Variants in PTCH1 observed in about 807,000 individuals in gnomAD.
The protein encoded by PTCH1 is protein patched homolog 1.
PTCH1 carries 14 observed loss-of-function variants against 144.6 expected under a neutral mutation model. That is an observed-to-expected ratio of 0.10 (90% CI 0.06 to 0.15). The LOEUF is 0.15. PTCH1 is among the 10% of genes least tolerant of loss of function. PTCH1 has a pLI of 1.00. For synonymous variants in PTCH1, 833 were observed against 793.6 expected, an observed-to-expected ratio of 1.05 and a Z score of -0.83; for missense variants, 1,623 against 1,948.3, an observed-to-expected ratio of 0.83 and a Z score of 3.14.
At chr9:95,501,759 G>A (rs1843161299) in intron 2 of PTCH1, among the ~76,000 whole-genome samples, 1 of 152,170 alleles carries the variant, frequency 6.6e-6, no homozygotes, top group African/African-American at 2.4e-5. Flanking sequence ...CAAGAAACTT[G>A]TTCTGAGGGA....
At chr9:95,450,334 C>A in intron 20 of PTCH1, 1 of 319,078 alleles carries the variant, frequency 3.1e-6, no homozygotes, top group Non-Finnish European at 6.0e-6. Context: ...CTCGTGAAAA[C>A]CCAGCAGAAG....
chr9:95,507,842 G>A (rs1843829229), intron 1 of PTCH1: 2 of 1,024,268 alleles, frequency 2.0e-6, no homozygotes, highest in South Asian at 1.7e-5. Context: ...CCGCCCTTGA[G>A]GTGGTCCGCC....
intron 1 of PTCH1, among the ~76,000 whole-genome samples, chr9:95,516,050 C>G (rs28496034): frequency 0.37 from 55,778 of 151,830 alleles, 10,925 homozygotes; most frequent in African/African-American, 0.49. Context: ...GCTCTGCCTC[C>G]GCTGGCGAGT....
In PTCH1 at chr9:95,476,133, G is replaced by A. The variant is rs557468315; in HGVS notation, c.1629C>T (p.Arg543=). 17 of 1,613,262 alleles carry A rather than the reference G, an allele frequency of 1.1e-5. No homozygotes were observed. In the African/African-American group the frequency reaches 1.9e-4, roughly 18 times the overall value. The part of the protein sequence containing the change: ...FEDRTGECLK[R]TGASVALTSI... ...ACGTGAGGGCCACGCTGGCTCCTGT[G>A]CGCTTCAGGCACTCCCCGGTCCTGT... is the stretch of plus-strand genomic sequence containing the variant. Residue 543 remains arginine, a synonymous_variant, in exon 12 of 24, where the codon CGC becomes CGT. Coordinates refer to ENST00000331920, the MANE Select transcript of PTCH1 (RefSeq NM_000264.5). The surrounding 1 kb of genome is among the most constrained non-coding windows in gnomAD (Gnocchi z 4.6).
chr9:95,500,495 G>GTTCCGTTT (rs1338040909), intron 2 of PTCH1, among the ~76,000 whole-genome samples: 12 of 152,218 alleles, frequency 7.9e-5, no homozygotes, highest in Admixed American at 2.6e-4. Flanking sequence ...GGTCCAGGGA[G>GTTCCGTTT]CAGAAAGGAG....
rs904785493 is a variant in PTCH1 at position 95,508,713 on chromosome 9, C to T, written c.-352G>A. ...AGCGAGCCTGTCCTTCGGGCGCTTC[C>T]GCGGCACTCCTTGCGGTCCCCAACT... On this transcript the variant is annotated 5_prime_UTR_variant, in exon 1 of 24. Coordinates refer to ENST00000331920, the MANE Select transcript of PTCH1 (RefSeq NM_000264.5). 1.0e-6 allele frequency: 1 copy of T among 986,666 alleles called. No homozygotes were observed. 61.1% of individuals were successfully genotyped at this position (986,666 alleles called of 1,614,324 possible). A position where few individuals can be genotyped will look rare whatever the true frequency, so the allele number is the denominator to read the frequency against.
rs1226062584 is a variant in PTCH1 at position 95,469,878 on chromosome 9, T to C, written c.1782A>G (p.Ala594=). ...NFAMVLLIFP[A]ILSMDLYRRE... Reference sequence around the variant, plus strand: ...GTCGATATAAATCCATGCTGAGAATTGCAGGAAAAATGAGCAGAACCATGG... The same window carrying C: ...GTCGATATAAATCCATGCTGAGAATCGCAGGAAAAATGAGCAGAACCATGG... Residue 594 remains alanine (A), a synonymous_variant, in exon 13 of 24, where the codon GCA becomes GCG. Transcript: ENST00000331920. 3 of 1,614,098 alleles carry C rather than the reference T, an allele frequency of 1.9e-6. No homozygotes were observed. The highest frequency in any genetic ancestry group is 4.5e-5 in the East Asian group (2 of 44,864).
intron 15 of PTCH1, among the ~76,000 whole-genome samples, chr9:95,462,463 G>A (rs1839575821): frequency 6.6e-6 from 1 of 152,108 alleles, no homozygotes; most frequent in Non-Finnish European, 1.5e-5. Flanking sequence ...AGCTGCTTCT[G>A]GAGCCCAGGG....
chr9:95,482,069 C>T (rs369072583), intron 4 of PTCH1, 29 bp from the exon 5 acceptor site: 20 of 1,610,738 alleles, frequency 1.2e-5, no homozygotes, highest in African/African-American at 1.1e-4. Flanking sequence ...AGAGGCCATG[C>T]GTTAGGTTAA....
chr9:95,485,977 C>T, intron 2 of PTCH1, 103 bp from the exon 3 acceptor site: 3 of 1,294,122 alleles, frequency 2.3e-6, no homozygotes, highest in Non-Finnish European at 2.2e-6. Flanking sequence ...TAGATGAACT[C>T]TAGTCATGAG....
At position 95,458,402 on chromosome 9, in the gene PTCH1, C is replaced by T. The variant is rs752449163; in HGVS notation, c.2888-109G>A. On this transcript the variant is annotated intron_variant, in intron 17 of 23. Coordinates refer to ENST00000331920, the MANE Select transcript of PTCH1 (RefSeq NM_000264.5). The surrounding 1 kb of genome is among the most constrained non-coding windows in gnomAD (Gnocchi z 4.7). ...TGAAAGCTTACTGACTGCTCTTCTA[C>T]ATGATACAAAGAACAAACAATGCTG... is the stretch of plus-strand genomic sequence containing the variant. 2.2e-6 allele frequency: 3 copies of T among 1,368,630 alleles called. No homozygotes were observed. The highest frequency in any genetic ancestry group is 3.0e-6 in the Non-Finnish European group (3 of 984,134). The allele number at this position is 1,368,630 out of a possible 1,614,324, so 84.8% of individuals were successfully genotyped here.
chr9:95,444,209 C>T lies in PTCH1; in HGVS notation c.*2184G>A. On this transcript the variant is annotated 3_prime_UTR_variant, in exon 24 of 24. Transcript: ENST00000331920. ...ATTCTAATTCCCTGCCAGCCCCACCCCCCGCCCACCCCAGTTCTCCCTTTG... is the reference window on the plus strand; with the variant it reads ...ATTCTAATTCCCTGCCAGCCCCACCTCCCGCCCACCCCAGTTCTCCCTTTG... 7.4e-6 allele frequency: 1 copy of T among 134,446 alleles called. No homozygotes were observed. Among genetic ancestry groups the T allele is most frequent in the Non-Finnish European group, 1.6e-5 (1 of 62,808 alleles). 8.3% of individuals were successfully genotyped at this position (134,446 alleles called of 1,614,324 possible).
intron 8 of PTCH1, among the ~76,000 whole-genome samples, chr9:95,478,721 T>TG (rs1841290501): frequency 6.6e-6 from 1 of 152,186 alleles, no homozygotes; most frequent in African/African-American, 2.4e-5. Context: ...ACACCTTTGC[T>TG]AACCAAGTGT....
intron 13 of PTCH1, 131 bp from the exon 14 acceptor site, chr9:95,469,284 T>C: frequency 8.1e-7 from 1 of 1,240,706 alleles, no homozygotes; most frequent in Non-Finnish European, 1.1e-6. Context: ...AACATCACAT[T>C]GCTGAATTCC....
intron 2 of PTCH1, among the ~76,000 whole-genome samples, chr9:95,490,032 G>C (rs1398713999): frequency 6.6e-6 from 1 of 151,304 alleles, no homozygotes; most frequent in African/African-American, 2.4e-5. Context: ...TCGATCTCCT[G>C]ACCTTGTGAT....
At chr9:95,495,911 A>C (rs1842756020) in intron 2 of PTCH1, among the ~76,000 whole-genome samples, 1 of 152,120 alleles carries the variant, frequency 6.6e-6, no homozygotes, top group Admixed American at 6.5e-5. Flanking sequence ...CACGATTTCT[A>C]CAGAAAGTAA....
chr9:95,501,554 G>C (rs77496426), intron 2 of PTCH1, among the ~76,000 whole-genome samples: 1 of 138,170 alleles, frequency 7.2e-6, no homozygotes, highest in African/African-American at 2.7e-5. Context: ...AAAAAAAAAA[G>C]TCAAAGTCAC....
chr9:95,514,512 TC>T (rs1844279488), intron 1 of PTCH1: 1 of 152,190 alleles, frequency 6.6e-6, no homozygotes, highest in African/African-American at 2.4e-5. Flanking sequence ...GTAAAACAAT[TC>T]CAGCTTATTG....
At chr9:95,462,832 C>A (rs73542174) in intron 15 of PTCH1, among the ~76,000 whole-genome samples, 1 of 152,364 alleles carries the variant, frequency 6.6e-6, no homozygotes, top group African/African-American at 2.4e-5. Context: ...ACACCACACA[C>A]AGCTGCGCTT....
Sources: gnomAD v4.1 joint callset for allele counts (sites outside exome capture counted in the v4.1 genomes callset) on GRCh38, gnomAD v4.1.1 for gene constraint, Gnocchi (gnomAD v3.1) non-coding constraint, MANE v1.5 for transcripts, NCBI Gene and HGNC (gene_info 2026-07-23, HGNC 2026-07-21) for gene names.